RSL1D1: variants seen among roughly 807,000 people sequenced by gnomAD.
The protein encoded by RSL1D1 is ribosomal L1 domain containing 1.
A neutral mutation model predicts 44.6 loss-of-function variants in RSL1D1; 34 were observed. The observed-to-expected ratio is 0.76, with a 90% confidence interval of 0.58 to 1.02. The LOEUF (loss-of-function observed/expected upper bound fraction) is 1.02, where lower values mean the gene tolerates loss of function less well. Ranked by LOEUF, RSL1D1 falls within the 50% of genes least tolerant of loss-of-function variation. The pLI is 0.00. For synonymous variants in RSL1D1, 271 were observed against 207.4 expected (o/e 1.31, Z -2.63); for missense variants, 767 against 568.1 (o/e 1.35, Z -3.56).
chr16:11,842,136 G>A (rs939172396), intron 5 of RSL1D1, 136 bp from the exon 6 acceptor site: 23 of 666,396 alleles, frequency 3.5e-5, no homozygotes, highest in African/African-American at 7.3e-5. Context: ...TATTAATCCC[G>A]GGCAACATGG....
chr16:11,850,475 TAAATG>T (rs2053829486), intron 1 of RSL1D1, 57 bp from the exon 2 acceptor site: 3 of 1,537,076 alleles, frequency 2.0e-6, no homozygotes, highest in African/African-American at 1.4e-5. Flanking sequence ...CTTACACAAA[TAAATG>T]AAATGTTCTC....
At chr16:11,848,030 T>C (rs529418119) in intron 2 of RSL1D1, among the ~76,000 whole-genome samples, 1 of 152,254 alleles carries the variant, frequency 6.6e-6, no homozygotes, top group East Asian at 1.9e-4. Flanking sequence ...GGCAGATGGA[T>C]CACCTGAGGT....
chr16:11,841,873 T>A, intron 6 of RSL1D1, 34 bp downstream of exon 6: 1 of 1,611,836 alleles, frequency 6.2e-7, no homozygotes. Flanking sequence ...TTCTTTTAAA[T>A]GAACAATCAA....
At chr16:11,841,670 T>C in intron 7 of RSL1D1, 25 bp downstream of exon 7, 5 of 1,597,724 alleles carry the variant, frequency 3.1e-6, no homozygotes, top group South Asian at 1.1e-5. Context: ...TTATTCATTC[T>C]GTAAGTATTT....
Position 11,846,691 on chromosome 16 carries a change from T to G in RSL1D1, c.533+4A>C. The G allele has an allele frequency of 6.2e-7, 1 of 1,613,678 alleles. No individual in the cohort carries two copies. The highest frequency in any genetic ancestry group is 8.5e-7 in the Non-Finnish European group (1 of 1,179,804). The stretch of plus-strand genomic sequence containing the variant: ...TAAAGTCCAGTCATTACTAAGAAAC[T>G]TACTTCTTTCTTTGATAGAAATGTC... On this transcript the variant is annotated splice_donor_region_variant and intron_variant, in intron 4 of 8. Coordinates refer to ENST00000571133, the MANE Select transcript of RSL1D1 (RefSeq NM_015659.3).
chr16:11,850,828 T>G (rs2053832128), intron 1 of RSL1D1, among the ~76,000 whole-genome samples: 2 of 152,206 alleles, frequency 1.3e-5, no homozygotes. Context: ...TAGCTGAGAT[T>G]ACAGGCGCCC....
Position 11,847,461 on chromosome 16 carries a change from T to C in RSL1D1, c.384+207A>G, listed in dbSNP as rs1596442492. 8 of 488,594 alleles carry C rather than the reference T, an allele frequency of 1.6e-5. No individual in the cohort carries two copies. The East Asian group carries it at 2.5e-4, about 15-fold the overall frequency. The allele number at this position is 488,594 out of a possible 1,614,324, so 30.3% of individuals were successfully genotyped here. On this transcript the variant is annotated intron_variant, in intron 3 of 8. Transcript: ENST00000571133. The stretch of plus-strand genomic sequence containing the variant: ...AACAGCAAATCAGAGAAAAACAAGA[T>C]GCTGTGGAAGTACAGAGGAATGACA...
Position 11,851,382 on chromosome 16 carries a change from A to C in RSL1D1, c.105+26T>G, listed in dbSNP as rs373145845. The stretch of plus-strand genomic sequence containing the variant: ...CGAGGTAACCGCCACACTGCTTCCA[A>C]GCCACCCTCCCCAGGAACCACTCAC... On this transcript the variant is annotated intron_variant, in intron 1 of 8. Transcript: ENST00000571133. 1.4e-4 allele frequency: 224 copies of C among 1,608,780 alleles called. 2 individuals are homozygous for C. The African/African-American group carries it at 2.6e-3, about 19-fold the overall frequency.
At position 11,841,832 on chromosome 16, in the gene RSL1D1, A is replaced by C; in HGVS notation, c.730-12T>G. The C allele has an allele frequency of 5.7e-6, 9 of 1,575,110 alleles. No homozygotes were observed. The highest frequency in any genetic ancestry group is 7.8e-6 in the Non-Finnish European group (9 of 1,149,330). ...ACGCTCTCCCACTTCTGAAACAAAGAAAAGAGTAACATCGTCTACATATAC... is the reference window on the plus strand; with the variant it reads ...ACGCTCTCCCACTTCTGAAACAAAGCAAAGAGTAACATCGTCTACATATAC... On this transcript the variant is annotated splice_polypyrimidine_tract_variant and intron_variant, in intron 6 of 8. Transcript: ENST00000571133.
intron 5 of RSL1D1, among the ~76,000 whole-genome samples, chr16:11,843,865 C>A (rs1400684494): frequency 1.5e-5 from 1 of 66,630 alleles, no homozygotes; most frequent in Admixed American, 2.5e-4. Flanking sequence ...AGCAAGAACT[C>A]TGTCTCAAAA....
rs2141248036 is a variant in RSL1D1 at position 11,834,015 on chromosome 16, T to G, written c.*3772A>C. 1 of 152,250 alleles carries G rather than the reference T, an allele frequency of 6.6e-6. No individual in the cohort carries two copies. Among genetic ancestry groups the G allele is most frequent in the East Asian group, 1.9e-4 (1 of 5,182 alleles). 9.4% of individuals were successfully genotyped at this position (152,250 alleles called of 1,614,324 possible). A position where few individuals can be genotyped will look rare whatever the true frequency, so the allele number is the denominator to read the frequency against. Reference sequence around the variant, plus strand: ...AAGAGGATGGATTCCAGAAACCCAGTGCCAACAATGAAATATCACCCTCAT... The same window carrying G: ...AAGAGGATGGATTCCAGAAACCCAGGGCCAACAATGAAATATCACCCTCAT... On this transcript the variant is annotated 3_prime_UTR_variant, in exon 9 of 9. Coordinates refer to ENST00000571133, the MANE Select transcript of RSL1D1 (RefSeq NM_015659.3).
Position 11,846,789 on chromosome 16 carries a change from G to T in RSL1D1, c.439C>A (p.Arg147Ser). 6.2e-7 allele frequency: 1 copy of T among 1,613,216 alleles called. No individual in the cohort carries two copies. Among genetic ancestry groups the T allele is most frequent in the South Asian group, 1.1e-5 (1 of 91,072 alleles). Residue 147 changes from arginine to serine, a missense_variant, in exon 4 of 9, where the codon CGC (arginine) becomes AGC (serine). Coordinates refer to ENST00000571133, the MANE Select transcript of RSL1D1 (RefSeq NM_015659.3). ...AAGAAATCAAAACTGCTCAGAAGGC[G>T]GAGCTTGGCTTCATAGGATTTATAT... is the stretch of plus-strand genomic sequence containing the variant. Reference protein sequence around the residue: ...KEYKSYEAKLRLLSSFDFFLT... With the variant: ...KEYKSYEAKLSLLSSFDFFLT...
intron 2 of RSL1D1, among the ~76,000 whole-genome samples, chr16:11,849,701 T>C (rs1449320168): frequency 1.3e-5 from 2 of 152,170 alleles, no homozygotes; most frequent in Non-Finnish European, 2.9e-5. Context: ...AAAATAAAGC[T>C]GTTTAACTTA....
At position 11,846,554 on chromosome 16, in the gene RSL1D1, G is replaced by C. The variant is rs766412267; in HGVS notation, c.582C>G (p.Ile194Met). Residue 194 changes from isoleucine to methionine, a missense_variant, in exon 5 of 9, where the codon ATC (isoleucine) becomes ATG (methionine). Coordinates refer to ENST00000571133, the MANE Select transcript of RSL1D1 (RefSeq NM_015659.3). ...AGACTGTTCCACCTATACAGTCATT[G>C]ATCTCTCTTGATAAATTCTTGGACA... ...NLLSKNLSRE[I>M]NDCIGGTVLN... is the part of the protein sequence containing the mutation. The C allele has an allele frequency of 1.9e-6, 3 of 1,607,574 alleles. No homozygotes were observed. The highest frequency in any genetic ancestry group is 1.7e-4 in the Middle Eastern group (1 of 6,040).
At chr16:11,848,725 C>A (rs1171837327) in intron 2 of RSL1D1, among the ~76,000 whole-genome samples, 3 of 151,976 alleles carry the variant, frequency 2.0e-5, no homozygotes, top group Admixed American at 6.6e-5. Flanking sequence ...AATTTGTGGG[C>A]TCAAGCAATC....
chr16:11,837,330 G>C lies in RSL1D1; in HGVS notation c.*457C>G, dbSNP rs1277925970. 3 of 154,416 alleles carry C rather than the reference G, an allele frequency of 1.9e-5. No homozygotes were observed. Among genetic ancestry groups the C allele is most frequent in the Non-Finnish European group, 4.3e-5 (3 of 69,154 alleles). The allele number at this position is 154,416 out of a possible 1,614,324, so 9.6% of individuals were successfully genotyped here. Reference sequence around the variant, plus strand: ...CAATTTAGAAACAGATTATACCCAGGAACATATGTCAGGATTACTTATGGA... The same window carrying C: ...CAATTTAGAAACAGATTATACCCAGCAACATATGTCAGGATTACTTATGGA... On this transcript the variant is annotated 3_prime_UTR_variant, in exon 9 of 9. Transcript: ENST00000571133.
rs148550113 is a variant in RSL1D1 at position 11,839,677 on chromosome 16, T to A, written c.1146+18A>T. The A allele has an allele frequency of 2.1e-4, 345 of 1,612,998 alleles. 5 individuals carry two copies. The East Asian group carries it at 3.3e-3, about 15-fold the overall frequency. ...CACTGAACCAATCCATTATGAACAG[T>A]AAATATTAAAACAATACCTCTACTT... On this transcript the variant is annotated intron_variant, in intron 8 of 8. Coordinates refer to ENST00000571133, the MANE Select transcript of RSL1D1 (RefSeq NM_015659.3).
chr16:11,850,600 T>C (rs1486562564), intron 1 of RSL1D1, among the ~76,000 whole-genome samples, 182 bp from the exon 2 acceptor site: 1 of 152,148 alleles, frequency 6.6e-6, no homozygotes, highest in Non-Finnish European at 1.5e-5. Flanking sequence ...GCAGTTTATA[T>C]TCACAGAAAT....
chr16:11,851,330 A>C, intron 1 of RSL1D1, 78 bp downstream of exon 1: 1 of 1,363,422 alleles, frequency 7.3e-7, no homozygotes, highest in Non-Finnish European at 1.0e-6. Context: ...CCGAGCACGC[A>C]CTCGGGTTCC....
Sources: allele counts gnomAD v4.1 joint callset (sites outside exome capture counted in the v4.1 genomes callset), GRCh38; gene constraint gnomAD v4.1.1; transcripts MANE v1.5; gene names NCBI Gene and HGNC (gene_info 2026-07-23, HGNC 2026-07-21).